PDE4D: variants seen among roughly 807,000 people sequenced by gnomAD.
The protein encoded by PDE4D is 3',5'-cyclic-AMP phosphodiesterase 4D.
Under a neutral mutation model 87.4 loss-of-function variants are expected in PDE4D, and 24 were observed. That is an observed-to-expected ratio of 0.27 (90% CI 0.20 to 0.39). The LOEUF is 0.39. PDE4D is among the 10% of genes least tolerant of loss of function. The probability of loss-of-function intolerance (pLI) is 1.00; values close to 1 mark genes in which losing one functional copy is unlikely to be tolerated. For synonymous variants in PDE4D, 384 were observed against 383.2 expected (o/e 1.00, Z -0.02); for missense variants, 714 against 1,041.0 (o/e 0.69, Z 4.32).
intron 2 of PDE4D, among the ~76,000 whole-genome samples, chr5:60,101,972 T>C (rs916250246): frequency 6.6e-6 from 1 of 152,146 alleles, no homozygotes; most frequent in Non-Finnish European, 1.5e-5. Flanking sequence ...TGAAAGTAAA[T>C]AATTCTTTAA....
chr5:60,241,422 C>T (rs191613322), intron 1 of PDE4D, among the ~76,000 whole-genome samples: 98 of 151,932 alleles, frequency 6.5e-4, no homozygotes, highest in African/African-American at 2.1e-3. Flanking sequence ...TACAGGCACA[C>T]GCCACCACAC....
At chr5:59,967,816 A>G (rs951535396) in intron 3 of PDE4D, among the ~76,000 whole-genome samples, 5 of 152,098 alleles carry the variant, frequency 3.3e-5, no homozygotes, top group Non-Finnish European at 7.4e-5. Flanking sequence ...TCACTGCACT[A>G]TTCACAATAG....
chr5:59,317,076 G>T (rs1773885304), intron 1 of PDE4D, among the ~76,000 whole-genome samples: 1 of 152,176 alleles, frequency 6.6e-6, no homozygotes. Context: ...GATAATTTGA[G>T]ACCTAGCAGC....
At chr5:59,832,006 T>A (rs183037356) in intron 1 of PDE4D, among the ~76,000 whole-genome samples, 2 of 152,164 alleles carry the variant, frequency 1.3e-5, no homozygotes, top group African/African-American at 4.8e-5. Flanking sequence ...TAGAAATACA[T>A]ATCTATTTGA....
intron 1 of PDE4D, among the ~76,000 whole-genome samples, chr5:59,256,630 T>G (rs1180259392): frequency 6.6e-6 from 1 of 152,088 alleles, no homozygotes; most frequent in African/African-American, 2.4e-5. Flanking sequence ...TGTTACTGAG[T>G]GTTCATGGAA....
At chr5:60,213,476 G>A (rs1173129297) in intron 1 of PDE4D, among the ~76,000 whole-genome samples, 1 of 152,160 alleles carries the variant, frequency 6.6e-6, no homozygotes, top group Non-Finnish European at 1.5e-5. Flanking sequence ...TGATTCTCTT[G>A]AGACCAGTCG....
intron 1 of PDE4D, among the ~76,000 whole-genome samples, chr5:59,680,195 T>A (rs530428289): frequency 1.3e-5 from 2 of 152,264 alleles, no homozygotes; most frequent in Admixed American, 1.3e-4. Context: ...AATAACCAGA[T>A]ATGAAGAGCC....
At chr5:60,073,264 A>G (rs895736584) in intron 2 of PDE4D, among the ~76,000 whole-genome samples, 2 of 152,238 alleles carry the variant, frequency 1.3e-5, no homozygotes, top group Admixed American at 6.5e-5. Flanking sequence ...ATCTATTACA[A>G]TAATCATGTG....
At chr5:59,644,935 A>G (rs1742199380) in intron 1 of PDE4D, among the ~76,000 whole-genome samples, 1 of 152,202 alleles carries the variant, frequency 6.6e-6, no homozygotes, top group South Asian at 2.1e-4. Flanking sequence ...TTGGAAAACA[A>G]ATGAACATTT....
At chr5:59,173,349 G>A (rs1783312632) in intron 5 of PDE4D, among the ~76,000 whole-genome samples, 1 of 152,098 alleles carries the variant, frequency 6.6e-6, no homozygotes, top group African/African-American at 2.4e-5. Flanking sequence ...TTAAATAAAA[G>A]CATAAAAGGC....
intron 2 of PDE4D, among the ~76,000 whole-genome samples, chr5:60,007,322 T>C (rs187648210): frequency 7.2e-5 from 11 of 152,042 alleles, no homozygotes; most frequent in Admixed American, 2.6e-4. Flanking sequence ...GTAAGTTAAA[T>C]TACAAATACC....
chr5:59,658,660 C>T (rs954401821), intron 1 of PDE4D, among the ~76,000 whole-genome samples: 1 of 152,118 alleles, frequency 6.6e-6, no homozygotes, highest in Non-Finnish European at 1.5e-5. Context: ...GAATTACAGG[C>T]GTGGAAAGCC....
At chr5:59,335,162 C>T (rs1238906572) in intron 1 of PDE4D, among the ~76,000 whole-genome samples, 1 of 152,158 alleles carries the variant, frequency 6.6e-6, no homozygotes, top group Non-Finnish European at 1.5e-5. Flanking sequence ...CTCATGACAG[C>T]AGGAACCATG....
intron 6 of PDE4D, among the ~76,000 whole-genome samples, chr5:59,025,657 T>C (rs1390097204): frequency 6.6e-6 from 1 of 152,266 alleles, no homozygotes; most frequent in Non-Finnish European, 1.5e-5. Flanking sequence ...CTCTTTAAGA[T>C]GGCTTTATTC....
At chr5:59,163,593 C>T (rs929135385) in intron 5 of PDE4D, among the ~76,000 whole-genome samples, 1 of 152,160 alleles carries the variant, frequency 6.6e-6, no homozygotes, top group African/African-American at 2.4e-5. Flanking sequence ...ATCTATCGTA[C>T]AAATCTGTTG....
intron 1 of PDE4D, among the ~76,000 whole-genome samples, chr5:59,406,590 G>A (rs868389065): frequency 4.0e-4 from 61 of 152,056 alleles, no homozygotes; most frequent in East Asian, 1.9e-4. Flanking sequence ...GGATTTCACC[G>A]TATTGGTCAG....
At chr5:60,080,104 C>T (rs1271726118) in intron 2 of PDE4D, among the ~76,000 whole-genome samples, 2 of 152,086 alleles carry the variant, frequency 1.3e-5, no homozygotes, top group Admixed American at 6.6e-5. Flanking sequence ...CCCTTGTTAG[C>T]TCTATTCCTA....
chr5:60,440,044 A>T (rs1307798888), intron 1 of PDE4D, among the ~76,000 whole-genome samples: 1 of 151,894 alleles, frequency 6.6e-6, no homozygotes, highest in African/African-American at 2.4e-5. Context: ...TCACTTCACT[A>T]CAGCATTGAT....
At chr5:59,833,300 G>C (rs1741520751) in intron 1 of PDE4D, among the ~76,000 whole-genome samples, 1 of 152,090 alleles carries the variant, frequency 6.6e-6, no homozygotes, top group Middle Eastern at 3.4e-3. Flanking sequence ...ACAGCACAAG[G>C]AGGGAAAAAT....
Sources: allele counts gnomAD v4.1 joint callset (sites outside exome capture counted in the v4.1 genomes callset), GRCh38; gene constraint gnomAD v4.1.1; transcripts MANE v1.5; gene names NCBI Gene and HGNC (gene_info 2026-07-23, HGNC 2026-07-21).